Variants in KLHL1 observed in about 807,000 individuals in gnomAD.
The protein encoded by KLHL1 is kelch-like protein 1.
In KLHL1, 47 loss-of-function variants were observed where a neutral mutation model predicts 77.7. That is an observed-to-expected ratio of 0.60 (90% CI 0.48 to 0.77). The LOEUF (loss-of-function observed/expected upper bound fraction) is 0.77. Among genes scored for constraint, KLHL1 ranks in the 30% least tolerant of loss-of-function variants. The pLI is 0.00. For missense variants in KLHL1, 925 were observed against 910.8 expected, an observed-to-expected ratio of 1.02 and a Z score of -0.20; for synonymous variants, 360 against 325.2, an observed-to-expected ratio of 1.11 and a Z score of -1.15.
intron 2 of KLHL1, among the ~76,000 whole-genome samples, chr13:69,966,553 T>G (rs1453646929): frequency 6.6e-6 from 1 of 152,218 alleles, no homozygotes; most frequent in Non-Finnish European, 1.5e-5. Context: ...CATTAAGAAA[T>G]AATTTTGACT....
intron 1 of KLHL1, among the ~76,000 whole-genome samples, chr13:70,045,788 A>G (rs1886480718): frequency 6.6e-6 from 1 of 152,138 alleles, no homozygotes; most frequent in Non-Finnish European, 1.5e-5. Context: ...AATTCTTTGA[A>G]GTATAGGGAT....
chr13:69,789,976 G>C (rs1876789203), intron 7 of KLHL1, among the ~76,000 whole-genome samples: 1 of 151,812 alleles, frequency 6.6e-6, no homozygotes. Context: ...TCTTTCCATA[G>C]AAACATCTTT....
At chr13:69,986,136 C>A (rs1884864002) in intron 1 of KLHL1, among the ~76,000 whole-genome samples, 1 of 151,614 alleles carries the variant, frequency 6.6e-6, no homozygotes, top group Non-Finnish European at 1.5e-5. Flanking sequence ...AAGTTGGTGT[C>A]ATGTAAGTAA....
chr13:69,807,057 C>A lies in KLHL1; in HGVS notation c.1415-10095G>T, dbSNP rs12585117. ...CATTTTTGGGAGTTTAATACTGGGC[C>A]GAGTTTTGCCTTTGGCCTGAGTTCA... On this transcript the variant is annotated intron_variant, in intron 6 of 10. Transcript: ENST00000377844. Among the ~76,000 whole-genome samples the A allele has an allele frequency of 3.0e-4, 46 of 152,222 alleles. 1 individual carries two copies. In the East Asian group the frequency reaches 8.7e-3, roughly 29 times the overall value.
At chr13:69,953,527 A>G (rs1049489491) in intron 3 of KLHL1, among the ~76,000 whole-genome samples, 1 of 151,156 alleles carries the variant, frequency 6.6e-6, no homozygotes, top group Admixed American at 6.6e-5. Flanking sequence ...CATGTAAGCT[A>G]AGATGCCATT....
At chr13:69,713,977 T>C (rs564883352) in intron 9 of KLHL1, among the ~76,000 whole-genome samples, 1 of 152,262 alleles carries the variant, frequency 6.6e-6, no homozygotes, top group Non-Finnish European at 1.5e-5. Context: ...ATTCAGGGTG[T>C]TTCAGGCTCT....
At chr13:70,003,593 TTTAA>T (rs1348968847) in intron 1 of KLHL1, among the ~76,000 whole-genome samples, 7 of 151,846 alleles carry the variant, frequency 4.6e-5, no homozygotes, top group African/African-American at 1.7e-4. Context: ...ATAAAGTGAG[TTTAA>T]TTGTGTTTAG....
At chr13:69,813,475 C>T (rs1326529585) in intron 6 of KLHL1, among the ~76,000 whole-genome samples, 3 of 129,322 alleles carry the variant, frequency 2.3e-5, no homozygotes, top group Non-Finnish European at 3.4e-5. Flanking sequence ...CATATATACA[C>T]ACACATACAC....
chr13:70,090,965 C>T (rs1180060233), intron 1 of KLHL1, among the ~76,000 whole-genome samples: 1 of 152,056 alleles, frequency 6.6e-6, no homozygotes, highest in Non-Finnish European at 1.5e-5. Context: ...CTGGACTTCA[C>T]ATTACTTCTT....
intron 5 of KLHL1, among the ~76,000 whole-genome samples, chr13:69,846,148 T>G (rs573081982): frequency 6.6e-6 from 1 of 151,634 alleles, no homozygotes; most frequent in South Asian, 2.1e-4. Flanking sequence ...ACATTTCCAG[T>G]GTTCTGGTTT....
chr13:69,709,439 T>C (rs12867754), intron 9 of KLHL1, among the ~76,000 whole-genome samples: 33,177 of 151,836 alleles, frequency 0.22, 3,984 homozygotes, highest in South Asian at 0.32. Flanking sequence ...AGATAAAGAG[T>C]AAATAATTAG....
chr13:70,104,041 C>T (rs1887988908), intron 1 of KLHL1, among the ~76,000 whole-genome samples: 1 of 152,084 alleles, frequency 6.6e-6, no homozygotes, highest in Non-Finnish European at 1.5e-5. Flanking sequence ...TGTCTTCTCC[C>T]ACTCACATCA....
At chr13:69,796,139 G>T (rs1430362986) in intron 7 of KLHL1, among the ~76,000 whole-genome samples, 1 of 152,100 alleles carries the variant, frequency 6.6e-6, no homozygotes, top group Non-Finnish European at 1.5e-5. Context: ...ACTTTAATAT[G>T]TATCTCAACG....
At chr13:69,745,657 C>CT (rs1566206102) in intron 7 of KLHL1, among the ~76,000 whole-genome samples, 1 of 151,584 alleles carries the variant, frequency 6.6e-6, no homozygotes, top group East Asian at 1.9e-4. Flanking sequence ...AAAATTAAAA[C>CT]AATAAACTTT....
At chr13:69,884,097 A>T (rs2138197933) in intron 4 of KLHL1, among the ~76,000 whole-genome samples, 1 of 152,290 alleles carries the variant, frequency 6.6e-6, no homozygotes, top group East Asian at 1.9e-4. Context: ...GCAGTTTCAA[A>T]TTTATTTTTT....
At chr13:69,849,394 T>C (rs1379905424) in intron 5 of KLHL1, among the ~76,000 whole-genome samples, 1 of 151,550 alleles carries the variant, frequency 6.6e-6, no homozygotes. Context: ...TGAAGCACGT[T>C]ATTCTACATT....
At chr13:70,102,619 T>A (rs1392637601) in intron 1 of KLHL1, among the ~76,000 whole-genome samples, 1 of 152,188 alleles carries the variant, frequency 6.6e-6, no homozygotes, top group Non-Finnish European at 1.5e-5. Context: ...CAATATGGTA[T>A]CTGGAGTCAG....
At chr13:69,720,121 C>T (rs1319830738) in intron 8 of KLHL1, among the ~76,000 whole-genome samples, 1 of 151,942 alleles carries the variant, frequency 6.6e-6, no homozygotes, top group Non-Finnish European at 1.5e-5. Context: ...TAGCTAAAAA[C>T]AAGACTTTAC....
chr13:69,729,563 T>C (rs1041755203), intron 8 of KLHL1, among the ~76,000 whole-genome samples: 3 of 151,782 alleles, frequency 2.0e-5, no homozygotes, highest in African/African-American at 7.3e-5. Context: ...AACAAAAAAA[T>C]GTAAGAGGGT....
Sources: gnomAD v4.1 joint callset for allele counts (sites outside exome capture counted in the v4.1 genomes callset) on GRCh38, gnomAD v4.1.1 for gene constraint, MANE v1.5 for transcripts, NCBI Gene and HGNC (gene_info 2026-07-23, HGNC 2026-07-21) for gene names.